Variants in RPS3 observed in about 807,000 individuals in gnomAD.
RPS3 encodes the protein small ribosomal subunit protein uS3.
A neutral mutation model predicts 25.8 loss-of-function variants in RPS3; 2 were observed. That is an observed-to-expected ratio of 0.08 (90% CI 0.03 to 0.24). The LOEUF is 0.24. Among genes scored for constraint, RPS3 ranks in the 10% least tolerant of loss-of-function variants. The pLI is 1.00. For synonymous variants in RPS3, 114 were observed against 114.2 expected, an observed-to-expected ratio of 1.00 and a Z score of 0.01; for missense variants, 107 against 307.1, an observed-to-expected ratio of 0.35 and a Z score of 4.87.
chr11:75,409,527 C>T (rs1948322259), downstream of RPS3, among the ~76,000 whole-genome samples: 2 of 128,724 alleles, frequency 1.6e-5, no homozygotes, highest in African/African-American at 6.0e-5. Context: ...AACAGGATCC[C>T]AAGGCAGAAG....
intron 6 of RPS3, among the ~76,000 whole-genome samples, chr11:75,418,355 C>T (rs1396522335): frequency 6.6e-6 from 1 of 152,206 alleles, no homozygotes; most frequent in Non-Finnish European, 1.5e-5. Context: ...GCCTGGAACC[C>T]AAGATCCTAA....
chr11:75,399,719 G>A lies in RPS3; in HGVS notation c.30+142G>A. On this transcript the variant is annotated intron_variant, in intron 1 of 6. Transcript: ENST00000531188. ...CCTGGCGTTCCTGCGGGCCGCGGAT[G>A]GCGGTGGATTGAGTGAGAGGCCCCA... is the stretch of plus-strand genomic sequence containing the variant. 4 of 721,134 alleles carry A rather than the reference G, an allele frequency of 5.5e-6. No homozygotes were observed. In the South Asian group the frequency reaches 7.0e-5, roughly 13 times the overall value. 44.7% of individuals were successfully genotyped at this position (721,134 alleles called of 1,614,324 possible).
At chr11:75,408,948 C>T (rs1474213981), downstream of RPS3, among the ~76,000 whole-genome samples, 1 of 151,982 alleles carries the variant, frequency 6.6e-6, no homozygotes, top group African/African-American at 2.4e-5. Flanking sequence ...CCTCTATATG[C>T]CACTCTAAAC....
intron 6 of RPS3, chr11:75,405,284 CCAGG>C (rs1948270180): frequency 5.1e-6 from 1 of 197,344 alleles, no homozygotes; most frequent in Non-Finnish European, 1.0e-5. Context: ...ACCTTGTTGG[CCAGG>C]CTGGTCTCAG....
intron 4 of RPS3, 125 bp downstream of exon 4, chr11:75,402,571 A>G (rs1233367095): frequency 5.0e-6 from 5 of 996,704 alleles, no homozygotes; most frequent in African/African-American, 4.9e-5. Context: ...CAGGGTTATA[A>G]TAAGATACTA....
At chr11:75,414,013 T>C (rs984360919) in intron 6 of RPS3, among the ~76,000 whole-genome samples, 3 of 152,128 alleles carry the variant, frequency 2.0e-5, no homozygotes, top group Non-Finnish European at 4.4e-5. Context: ...ACTCCCTCAG[T>C]GAACGATTTT....
intron 6 of RPS3, among the ~76,000 whole-genome samples, chr11:75,418,502 A>T (rs562049082): frequency 2.0e-5 from 3 of 152,336 alleles, no homozygotes; most frequent in Admixed American, 6.5e-5. Context: ...AGGTAAAAAA[A>T]TTTTTTAAAA....
intron 6 of RPS3, 175 bp from the exon 7 acceptor site, chr11:75,405,438 GT>G (rs1948272820): frequency 8.8e-6 from 3 of 340,936 alleles, no homozygotes; most frequent in Non-Finnish European, 1.7e-5. Context: ...GTTTATAGGT[GT>G]TGTCTCTCCA....
At chr11:75,400,550 C>T in intron 1 of RPS3, 144 bp from the exon 2 acceptor site, 1 of 1,194,764 alleles carries the variant, frequency 8.4e-7, no homozygotes, top group African/African-American at 1.5e-5. Context: ...TTGCTGCACT[C>T]CTGTTGGAAC....
chr11:75,401,245 T>C lies in RPS3; in HGVS notation c.162-395T>C, dbSNP rs543536963. Among the ~76,000 whole-genome samples the C allele has an allele frequency of 9.2e-5, 14 of 152,302 alleles. No individual in the cohort carries two copies. The East Asian group carries it at 2.1e-3, about 23-fold the overall frequency. Reference sequence around the variant, plus strand: ...GTGAATCTGGGCTTAGTGAATGTAATTGCTTCTTAAAAGCTAGATTTTAAG... The same window carrying C: ...GTGAATCTGGGCTTAGTGAATGTAACTGCTTCTTAAAAGCTAGATTTTAAG... On this transcript the variant is annotated intron_variant, in intron 2 of 6. Transcript: ENST00000531188.
chr11:75,399,743 C>T (rs12277045), intron 1 of RPS3, 166 bp downstream of exon 1: 2 of 618,786 alleles, frequency 3.2e-6, no homozygotes, highest in Non-Finnish European at 2.9e-6. Flanking sequence ...TGAGAGGCCC[C>T]AGCCAGGAGG....
At chr11:75,421,567 C>T (rs1243745222) in intron 6 of RPS3, among the ~76,000 whole-genome samples, 2 of 152,238 alleles carry the variant, frequency 1.3e-5, no homozygotes, top group African/African-American at 4.8e-5. Context: ...GCTTGTGCCC[C>T]CATTGACGTT....
At chr11:75,401,771 T>G in intron 3 of RPS3, 38 bp downstream of exon 3, 1 of 1,129,658 alleles carries the variant, frequency 8.9e-7, no homozygotes, top group Non-Finnish European at 1.3e-6. Context: ...TAATGGCTCT[T>G]CAGAATGATA....
chr11:75,404,164 C>T lies in RPS3; in HGVS notation c.495C>T (p.Asn165=), dbSNP rs752738974. ...TGATCCACAGCGGAGACCCTGTTAA[C>T]TACTACGTTGACACTGCTGTGCGCC... ...GLMIHSGDPV[N]YYVDTAVRHV... is the part of the protein sequence containing the mutation. Residue 165 remains asparagine, a synonymous_variant, in exon 5 of 7, where the codon AAC becomes AAT. Transcript: ENST00000531188. The surrounding 1 kb of genome is among the most constrained non-coding windows in gnomAD (Gnocchi z 4.6). 4.6e-5 allele frequency: 74 copies of T among 1,614,074 alleles called. No homozygotes were observed. The highest frequency in any genetic ancestry group is 6.3e-5 in the Non-Finnish European group (74 of 1,180,034).
chr11:75,401,772 C>T (rs771829635), intron 3 of RPS3, 39 bp downstream of exon 3: 1 of 1,092,456 alleles, frequency 9.2e-7, no homozygotes, highest in Non-Finnish European at 1.4e-6. Flanking sequence ...AATGGCTCTT[C>T]AGAATGATAC....
chr11:75,420,459 G>T (rs937023936), intron 6 of RPS3, among the ~76,000 whole-genome samples: 2 of 152,202 alleles, frequency 1.3e-5, no homozygotes, highest in African/African-American at 4.8e-5. Flanking sequence ...GGTTAGCAGA[G>T]CCTGGGGGAG....
Position 75,401,435 on chromosome 11 carries a change from C to T in RPS3, c.162-205C>T, listed in dbSNP as rs185085821. ...ATGGCTTGAGCTCAAGAGGTTCAGGCTGCAGTGAGCCATTGGTGTGATCCA... is the reference window on the plus strand; with the variant it reads ...ATGGCTTGAGCTCAAGAGGTTCAGGTTGCAGTGAGCCATTGGTGTGATCCA... On this transcript the variant is annotated intron_variant, in intron 2 of 6. Coordinates refer to ENST00000531188, the MANE Select transcript of RPS3 (RefSeq NM_001005.5). Among the ~76,000 whole-genome samples the T allele has an allele frequency of 3.3e-4, 50 of 152,170 alleles. No individual in the cohort carries two copies. In the East Asian group the frequency reaches 9.4e-3, roughly 29 times the overall value.
intron 6 of RPS3, 127 bp from the exon 7 acceptor site, chr11:75,405,487 A>G: frequency 5.4e-6 from 2 of 369,294 alleles, no homozygotes; most frequent in South Asian, 4.1e-5. Context: ...GAAAAAGGAC[A>G]AACCCTTATG....
At chr11:75,411,500 C>T (rs1194251511), downstream of RPS3, among the ~76,000 whole-genome samples, 4 of 152,194 alleles carry the variant, frequency 2.6e-5, no homozygotes, top group Non-Finnish European at 5.9e-5. Context: ...CGACATTCTC[C>T]TGCCTCAGCC....
Sources: gnomAD v4.1 joint callset for allele counts (sites outside exome capture counted in the v4.1 genomes callset) on GRCh38, gnomAD v4.1.1 for gene constraint, Gnocchi (gnomAD v3.1) non-coding constraint, MANE v1.5 for transcripts, NCBI Gene and HGNC (gene_info 2026-07-23, HGNC 2026-07-21) for gene names.